The following IL34 variants were observed in gnomAD, a reference collection of about 807,000 sequenced individuals.
The protein encoded by IL34 is interleukin-34.
IL34 carries 17 observed loss-of-function variants against 25.3 expected under a neutral mutation model. The ratio of observed to expected loss-of-function variants is 0.67; its 90% CI spans 0.46 to 1.01. IL34 has a LOEUF of 1.01. IL34 is among the 50% of genes least tolerant of loss of function. The pLI, the probability that IL34 is intolerant of heterozygous loss-of-function variation, is 0.00. For missense variants in IL34, 368 were observed against 312.9 expected (o/e 1.18, Z -1.33); for synonymous variants, 174 against 140.9 (o/e 1.23, Z -1.66).
rs563788283 is a variant in IL34, at chr16:70,658,713, T to A, written c.403-905T>A. Among the ~76,000 whole-genome samples the A allele has an allele frequency of 4.6e-5, 7 of 152,190 alleles. No homozygotes were observed. The South Asian group carries it at 1.5e-3, about 32-fold the overall frequency. ...CTTGAACTCCTGGCCTCAAGTGATA[T>A]GCCTCCCTCAGCCTCCCAAAGTGCT... On this transcript the variant is annotated intron_variant, in intron 4 of 5. Transcript: ENST00000288098.
At chr16:70,590,543 G>A (rs1204232119) in intron 1 of IL34, among the ~76,000 whole-genome samples, 1 of 152,014 alleles carries the variant, frequency 6.6e-6, no homozygotes, top group Non-Finnish European at 1.5e-5. Context: ...AGAGGGAGGG[G>A]GCAGCCGGGT....
chr16:70,659,177 T>C (rs538791495), intron 4 of IL34, among the ~76,000 whole-genome samples: 1 of 152,330 alleles, frequency 6.6e-6, no homozygotes, highest in African/African-American at 2.4e-5. Flanking sequence ...AGCTTGAAGC[T>C]GGACACCCTG....
intron 1 of IL34, among the ~76,000 whole-genome samples, chr16:70,621,516 G>A (rs2051281919): frequency 6.6e-6 from 1 of 152,108 alleles, no homozygotes; most frequent in African/African-American, 2.4e-5. Flanking sequence ...AGGACCTGAG[G>A]TCGTAGGTGG....
At chr16:70,619,344 G>C (rs924663985) in intron 1 of IL34, among the ~76,000 whole-genome samples, 1 of 152,060 alleles carries the variant, frequency 6.6e-6, no homozygotes, top group African/African-American at 2.4e-5. Flanking sequence ...CGCAAAGGAG[G>C]CTTTGGATTG....
At chr16:70,599,443 G>C (rs1001898071) in intron 1 of IL34, among the ~76,000 whole-genome samples, 1 of 149,096 alleles carries the variant, frequency 6.7e-6, no homozygotes, top group Admixed American at 6.7e-5. Flanking sequence ...TGCAACCTTT[G>C]CCTCCCGGGT....
intron 1 of IL34, among the ~76,000 whole-genome samples, chr16:70,603,605 C>T (rs999600798): frequency 6.6e-6 from 1 of 152,156 alleles, no homozygotes; most frequent in South Asian, 2.1e-4. Flanking sequence ...CAGGGTCTCA[C>T]TCTGTCACCC....
chr16:70,652,760 GAA>G (rs1597779912), intron 1 of IL34, among the ~76,000 whole-genome samples: 1 of 152,196 alleles, frequency 6.6e-6, no homozygotes, highest in East Asian at 1.9e-4. Flanking sequence ...TTTACTGGGT[GAA>G]AGAGTATAGA....
chr16:70,656,019 CA>C (rs2052209989), intron 2 of IL34, among the ~76,000 whole-genome samples: 1 of 152,204 alleles, frequency 6.6e-6, no homozygotes, highest in Non-Finnish European at 1.5e-5. Flanking sequence ...GGTTTTAGAA[CA>C]TTCTCACCCA....
rs375234312 is a variant in IL34, at chr16:70,580,309, A to G, written c.-401+260A>G. Among the ~76,000 whole-genome samples, 10 of 152,316 alleles carry G rather than the reference A, an allele frequency of 6.6e-5. No homozygotes were observed. In the East Asian group the frequency reaches 1.4e-3, roughly 21 times the overall value. ...CAGGAAAAAGCCGATCCACATAACC[A>G]TAAAGCAAGTCACTTCTCTGTGTGT... is the stretch of plus-strand genomic sequence containing the variant. On this transcript the variant is annotated intron_variant, in intron 1 of 6. Transcript: ENST00000429149.
At chr16:70,629,703 CT>C (rs753038665) in intron 1 of IL34, among the ~76,000 whole-genome samples, 71 of 140,404 alleles carry the variant, frequency 5.1e-4, no homozygotes, top group East Asian at 1.2e-3. Flanking sequence ...ACATTTTTTT[CT>C]TTTTTTTTTT....
chr16:70,644,757 GGAGGAA>G, upstream of IL34, among the ~76,000 whole-genome samples: 1 of 143,526 alleles, frequency 7.0e-6, no homozygotes, highest in African/African-American at 2.6e-5. Context: ...GAGGGAGGAG[GGAGGAA>G]AAGGAGGAGG....
At chr16:70,628,023 C>T (rs1434370031) in intron 1 of IL34, among the ~76,000 whole-genome samples, 4 of 152,180 alleles carry the variant, frequency 2.6e-5, no homozygotes, top group African/African-American at 9.7e-5. Flanking sequence ...AAACTGTTCT[C>T]CAAGTAGATA....
In IL34 at chr16:70,609,401, T is replaced by C. The variant is rs146677111; in HGVS notation, c.-401+29352T>C. 2.2e-3 allele frequency among the ~76,000 whole-genome samples: 341 copies of C among 152,250 alleles called. 3 individuals carry two copies. The highest frequency in any genetic ancestry group is 7.9e-3 in the African/African-American group (328 of 41,552). ...GCCTGAAAGTGGGATTCTTGAATCTTATGCCACAGCTCGCAAGCTGTTAAG... is the reference window on the plus strand; with the variant it reads ...GCCTGAAAGTGGGATTCTTGAATCTCATGCCACAGCTCGCAAGCTGTTAAG... On this transcript the variant is annotated intron_variant, in intron 1 of 6. Coordinates refer to the IL34 transcript ENST00000429149.
intron 1 of IL34, among the ~76,000 whole-genome samples, chr16:70,638,124 A>G (rs1419538670): frequency 1.3e-5 from 2 of 152,212 alleles, no homozygotes; most frequent in African/African-American, 2.4e-5. Context: ...GCCAGAAGCC[A>G]TGGGCTGCTT....
intron 1 of IL34, among the ~76,000 whole-genome samples, chr16:70,636,189 C>A (rs2051639142): frequency 6.6e-6 from 1 of 152,048 alleles, no homozygotes; most frequent in South Asian, 2.1e-4. Context: ...CAGGTGTGTG[C>A]CACCACGCCC....
Position 70,660,214 on chromosome 16 carries a change from G to C in IL34, c.*27G>C. ...CACCCTGGATGGTGACTGCGGATAGGGGCAGCCAGACCAGCTCCCACAGGA... is the reference window on the plus strand; with the variant it reads ...CACCCTGGATGGTGACTGCGGATAGCGGCAGCCAGACCAGCTCCCACAGGA... On this transcript the variant is annotated 3_prime_UTR_variant, in exon 6 of 6. Coordinates refer to ENST00000288098, the MANE Select transcript of IL34 (RefSeq NM_001393494.1). The C allele has an allele frequency of 6.5e-7, 1 of 1,531,522 alleles. No individual in the cohort carries two copies. Among genetic ancestry groups the C allele is most frequent in the Non-Finnish European group, 8.8e-7 (1 of 1,141,682 alleles). The allele number at this position is 1,531,522 out of a possible 1,614,324, so 94.9% of individuals were successfully genotyped here.
At chr16:70,624,076 G>C (rs1029678398) in intron 1 of IL34, among the ~76,000 whole-genome samples, 5 of 152,062 alleles carry the variant, frequency 3.3e-5, no homozygotes, top group African/African-American at 9.7e-5. Context: ...CCGAGAAGGA[G>C]TCAGTCAGAG....
intron 1 of IL34, among the ~76,000 whole-genome samples, chr16:70,598,566 C>T (rs1349409839): frequency 1.3e-5 from 2 of 151,990 alleles, no homozygotes; most frequent in Admixed American, 1.3e-4. Context: ...TGGTGAAACC[C>T]CGACTCTATT....
intron 1 of IL34, among the ~76,000 whole-genome samples, chr16:70,623,062 G>A (rs932584506): frequency 6.6e-6 from 1 of 151,996 alleles, no homozygotes; most frequent in African/African-American, 2.4e-5. Context: ...AGCAGCAGGG[G>A]GAGCACCTGT....
Sources: allele counts gnomAD v4.1 joint callset (sites outside exome capture counted in the v4.1 genomes callset), GRCh38; gene constraint gnomAD v4.1.1; transcripts MANE v1.5; gene names NCBI Gene and HGNC (gene_info 2026-07-23, HGNC 2026-07-21).